COL12A1: variants seen among roughly 807,000 people sequenced by gnomAD.
The protein encoded by COL12A1 is collagen alpha-1(XII) chain.
In COL12A1, 114 loss-of-function variants were observed where a neutral mutation model predicts 349.7. The observed-to-expected ratio is 0.33, with a 90% CI of 0.28 to 0.38. The LOEUF (loss-of-function observed/expected upper bound fraction) is 0.38, where lower values mean the gene tolerates loss of function less well. COL12A1 is among the 10% of genes least tolerant of loss of function. The probability of loss-of-function intolerance (pLI) is 1.00; values close to 1 mark genes in which losing one functional copy is unlikely to be tolerated. For synonymous variants in COL12A1, 1,369 were observed against 1,329.0 expected, an observed-to-expected ratio of 1.03 and a Z score of -0.66; for missense variants, 3,284 against 3,756.9, an observed-to-expected ratio of 0.87 and a Z score of 3.29.
At chr6:75,107,906 T>C (rs1246830308) in intron 52 of COL12A1, among the ~76,000 whole-genome samples, 1 of 152,256 alleles carries the variant, frequency 6.6e-6, no homozygotes, top group Non-Finnish European at 1.5e-5. Context: ...ACATTTGAAC[T>C]AATTGTTTCT....
Position 75,126,486 on chromosome 6 carries a change from G to A in COL12A1, c.6341-16C>T, listed in dbSNP as rs761006161. On this transcript the variant is annotated splice_polypyrimidine_tract_variant and intron_variant, in intron 38 of 65. Coordinates refer to ENST00000322507, the MANE Select transcript of COL12A1 (RefSeq NM_004370.6). ...AGGAGTCCCACTGAAAACAAACATT[G>A]ACACACATTACTGACCTTTTATTGG... The A allele has an allele frequency of 3.1e-6, 5 of 1,606,908 alleles. No homozygotes were observed. The highest frequency in any genetic ancestry group is 4.3e-6 in the Non-Finnish European group (5 of 1,175,048).
At position 75,097,238 on chromosome 6, in the gene COL12A1, A is replaced by G. The variant is rs1435337763; in HGVS notation, c.8577+15T>C. 1 of 1,611,624 alleles carries G rather than the reference A, an allele frequency of 6.2e-7. No homozygotes were observed. The highest frequency in any genetic ancestry group is 8.5e-7 in the Non-Finnish European group (1 of 1,178,486). ...GGAGTGAAGGGCACAAAAATGAGACACATTTAGTTCTTACCGGCGGCCCTG... is the reference window on the plus strand; with the variant it reads ...GGAGTGAAGGGCACAAAAATGAGACGCATTTAGTTCTTACCGGCGGCCCTG... On this transcript the variant is annotated intron_variant, in intron 59 of 65. Coordinates refer to ENST00000322507, the MANE Select transcript of COL12A1 (RefSeq NM_004370.6).
rs761818931 is a variant in COL12A1 at position 75,175,115 on chromosome 6, T to C, written c.2633A>G (p.Gln878Arg). Residue 878 changes from glutamine to arginine, a missense_variant, in exon 13 of 66, where the codon CAA becomes CGA. Around this residue, in one of 2 missense-constraint regions of COL12A1, gnomAD observed 2,601 missense variants for 2,824.8 expected, o/e 0.92. Transcript: ENST00000322507. ...CAAGGCTGTCACAGATAAGGCGTAT[T>C]GTGTCCCTTCCTTCAATCCCTGCAG... Reference protein sequence around the residue: ...TVLQGLKEGTQYALSVTALYA... With the variant: ...TVLQGLKEGTRYALSVTALYA... The C allele has an allele frequency of 1.1e-5, 17 of 1,614,170 alleles. No individual in the cohort carries two copies. In the East Asian group the frequency reaches 3.6e-4, roughly 34 times the overall value.
intron 2 of COL12A1, among the ~76,000 whole-genome samples, chr6:75,200,515 G>C (rs1300549633): frequency 6.6e-6 from 1 of 152,200 alleles, no homozygotes; most frequent in Non-Finnish European, 1.5e-5. Context: ...GGAGGCTGCA[G>C]TGAGCCGAGA....
chr6:75,189,153 T>C, intron 7 of COL12A1, 64 bp downstream of exon 7: 2 of 1,515,244 alleles, frequency 1.3e-6, no homozygotes, highest in Non-Finnish European at 1.8e-6. Context: ...ATCTTTCATC[T>C]TCCTAAACAT....
At chr6:75,103,718 T>C (rs1470327048) in intron 55 of COL12A1, 39 bp downstream of exon 55, 2 of 1,579,110 alleles carry the variant, frequency 1.3e-6, no homozygotes, top group East Asian at 2.2e-5. Context: ...GATTTCAACA[T>C]ATAGATAAGA....
chr6:75,135,342 A>G (rs1766544202), intron 31 of COL12A1, among the ~76,000 whole-genome samples: 1 of 152,214 alleles, frequency 6.6e-6, no homozygotes, highest in African/African-American at 2.4e-5. Context: ...TGTTTCCCCC[A>G]AGAACACTGT....
chr6:75,173,073 T>C (rs1768721951), intron 13 of COL12A1, among the ~76,000 whole-genome samples: 1 of 152,234 alleles, frequency 6.6e-6, no homozygotes, highest in Non-Finnish European at 1.5e-5. Flanking sequence ...AGCTATGTCC[T>C]CTTGATGAAT....
In COL12A1 at chr6:75,175,252, T is replaced by A. The variant is rs199992321; in HGVS notation, c.2496A>T (p.Leu832Phe). Residue 832 changes from leucine to phenylalanine, a missense_variant, in exon 13 of 66, where the codon TTA becomes TTT. Leu to Phe is a conservative substitution (Grantham distance 22). Transcript: ENST00000322507. The part of the protein sequence containing the change: ...VSDPTTSTMK[L>F]SWSGAPGKVK... ...CTTTTCCTGGTGCCCCACTCCAAGA[T>A]AATTTCATAGTAGACGTCGTAGGGT... is the stretch of plus-strand genomic sequence containing the variant. 49 of 1,614,234 alleles carry A rather than the reference T, an allele frequency of 3.0e-5. No homozygotes were observed. Among genetic ancestry groups the A allele is most frequent in the Admixed American group, 1.7e-4 (10 of 60,020 alleles).
chr6:75,116,176 T>C, intron 47 of COL12A1, 119 bp from the exon 48 acceptor site: 1 of 948,720 alleles, frequency 1.1e-6, no homozygotes, highest in Non-Finnish European at 1.6e-6. Flanking sequence ...TTTATTAAAA[T>C]AACTTCTCAA....
In COL12A1 at chr6:75,181,129, A is replaced by G; in HGVS notation, c.1974T>C (p.Asn658=). 3 of 1,613,622 alleles carry G rather than the reference A, an allele frequency of 1.9e-6. No individual in the cohort carries two copies. The highest frequency in any genetic ancestry group is 2.5e-6 in the Non-Finnish European group (3 of 1,179,948). The part of the protein sequence containing the change: ...FKTNWSPAGE[N]VFSYHITYKE... ...TGTAGGTGATGTGATATGAAAAAAC[A>G]TTTTCTCCAGCTGGAGACCAGTTGG... Residue 658 remains asparagine (N), a synonymous_variant, in exon 11 of 66, where the codon AAT becomes AAC. Transcript: ENST00000322507.
rs370402417 is a variant in COL12A1 at position 75,138,594 on chromosome 6, G to A, written c.5098-14C>T. On this transcript the variant is annotated splice_polypyrimidine_tract_variant and intron_variant, in intron 28 of 65. Transcript: ENST00000322507. ...ATTTAAGATGGTCTTGGAGAAAGAG[G>A]ACAAAAACATACCCACGCAAAAGTA... 16 of 1,611,550 alleles carry A rather than the reference G, an allele frequency of 9.9e-6. No homozygotes were observed. Among genetic ancestry groups the A allele is most frequent in the Non-Finnish European group, 1.3e-5 (15 of 1,179,212 alleles).
intron 13 of COL12A1, among the ~76,000 whole-genome samples, chr6:75,167,378 A>G (rs1200472511): frequency 1.3e-5 from 2 of 152,188 alleles, no homozygotes; most frequent in Non-Finnish European, 2.9e-5. Flanking sequence ...GCAGTCAGGA[A>G]CAGCTGTTGT....
intron 52 of COL12A1, among the ~76,000 whole-genome samples, chr6:75,107,046 C>T (rs1312120236): frequency 8.0e-5 from 12 of 150,742 alleles, no homozygotes; most frequent in Admixed American, 6.6e-4. Flanking sequence ...GGATTATAGG[C>T]GTGCACCACC....
chr6:75,144,739 T>C (rs973985140), intron 25 of COL12A1, among the ~76,000 whole-genome samples: 13 of 152,238 alleles, frequency 8.5e-5, no homozygotes, highest in Non-Finnish European at 1.8e-4. Flanking sequence ...TCTATACTGC[T>C]TTGTATAATT....
chr6:75,151,138 T>C lies in COL12A1; in HGVS notation c.4147+3A>G, dbSNP rs751711295. ...AGGGAGAGAAACTCTGGGTTAAACT[T>C]ACCTGGACCTTTGACACTGTTACAC... On this transcript the variant is annotated splice_donor_region_variant and intron_variant, in intron 21 of 65. Coordinates refer to ENST00000322507, the MANE Select transcript of COL12A1 (RefSeq NM_004370.6). The C allele has an allele frequency of 7.7e-6, 12 of 1,557,578 alleles. No homozygotes were observed. The Admixed American group carries it at 2.1e-4, about 27-fold the overall frequency.
chr6:75,099,806 CT>C (rs919849304), intron 58 of COL12A1, among the ~76,000 whole-genome samples: 1 of 152,204 alleles, frequency 6.6e-6, no homozygotes, highest in African/African-American at 2.4e-5. Context: ...AAAATCGTCT[CT>C]GCTGAAGACA....
chr6:75,145,840 C>T (rs565674938), intron 24 of COL12A1, among the ~76,000 whole-genome samples: 4 of 152,166 alleles, frequency 2.6e-5, no homozygotes, highest in East Asian at 1.9e-4. Flanking sequence ...CCATATTGGT[C>T]GGGCTAGTCT....
intron 53 of COL12A1, among the ~76,000 whole-genome samples, chr6:75,105,879 T>A (rs150942198): frequency 3.9e-4 from 60 of 152,300 alleles, no homozygotes; most frequent in African/African-American, 1.3e-3. Flanking sequence ...GCCTAGCGTA[T>A]AATAGGTGCT....
Sources: gnomAD v4.1 joint callset for allele counts (sites outside exome capture counted in the v4.1 genomes callset) on GRCh38, gnomAD v4.1.1 for gene constraint, gnomAD v4.1.1 regional missense constraint, MANE v1.5 for transcripts, NCBI Gene and HGNC (gene_info 2026-07-23, HGNC 2026-07-21) for gene names.